B3GALNT2: variants seen among roughly 807,000 people sequenced by gnomAD.
B3GALNT2 encodes beta-1,3-N-acetylgalactosaminyltransferase 2.
B3GALNT2 carries 53 observed loss-of-function variants against 61.1 expected under a neutral mutation model. The ratio of observed to expected loss-of-function variants is 0.87; its 90% CI spans 0.70 to 1.09. The LOEUF (loss-of-function observed/expected upper bound fraction) is 1.09. Ranked by LOEUF, B3GALNT2 falls within the 50% of genes least tolerant of loss-of-function variation. The pLI, the probability that B3GALNT2 is intolerant of heterozygous loss-of-function variation, is 0.00. For synonymous variants in B3GALNT2, 223 were observed against 237.4 expected, an observed-to-expected ratio of 0.94 and a Z score of 0.56; for missense variants, 544 against 623.0, an observed-to-expected ratio of 0.87 and a Z score of 1.35.
chr1:235,491,115 G>A (rs960580217), intron 2 of B3GALNT2, among the ~76,000 whole-genome samples: 5 of 150,378 alleles, frequency 3.3e-5, no homozygotes, highest in African/African-American at 1.2e-4. Flanking sequence ...AGGAAGATAC[G>A]ATTCCAGTGT....
At chr1:235,439,848 C>G in the B3GALNT2 span, among the ~76,000 whole-genome samples, 1 of 152,128 alleles carries the variant, frequency 6.6e-6, no homozygotes, top group East Asian at 2.0e-4. Context: ...GTCACCCAGG[C>G]TGGAGTGCAG....
In B3GALNT2 at chr1:235,484,468, A is replaced by G. The variant is rs1684707115; in HGVS notation, c.409T>C (p.Ser137Pro). The change falls in exon 4 of 12, where the codon TCG (serine) becomes CCG (proline). Residue 137 changes from serine to proline, a missense_variant. Physicochemically the swap from Ser to Pro is moderately conservative, Grantham distance 74 (BLOSUM62 -1). Coordinates refer to ENST00000366600, the MANE Select transcript of B3GALNT2 (RefSeq NM_152490.5). ...EAFSLSEDTS[S>P]GLPEDRVVSV... ...ACAACTCGATCCTCAGGCAGCCCCG[A>G]TGAAGTGTCTTCGGACAGACTGAAC... The G allele has an allele frequency of 1.2e-6, 2 of 1,614,196 alleles. No individual in the cohort carries two copies. The highest frequency in any genetic ancestry group is 1.7e-6 in the Non-Finnish European group (2 of 1,180,020).
intron 6 of B3GALNT2, 24 bp from the exon 7 acceptor site, chr1:235,465,738 A>C: frequency 1.2e-6 from 2 of 1,604,908 alleles, no homozygotes; most frequent in Non-Finnish European, 1.7e-6. Context: ...GAATGTACTC[A>C]GTGATTCATT....
Position 235,480,764 on chromosome 1 carries a change from G to A in B3GALNT2, c.556-615C>T, listed in dbSNP as rs1169086781. Among the ~76,000 whole-genome samples the A allele has an allele frequency of 4.0e-5, 6 of 151,496 alleles. 1 individual carries two copies. Among genetic ancestry groups the A allele is most frequent in the Admixed American group, 4.0e-4 (6 of 15,184 alleles). ...CTACTAAAAATACAAAAATTAGCTGGGTGTGGTGGCAGGCACCTGTAGTCC... is the reference window on the plus strand; with the variant it reads ...CTACTAAAAATACAAAAATTAGCTGAGTGTGGTGGCAGGCACCTGTAGTCC... On this transcript the variant is annotated intron_variant, in intron 4 of 11. Transcript: ENST00000366600.
intron 3 of B3GALNT2, among the ~76,000 whole-genome samples, chr1:235,487,775 C>T (rs956603582): frequency 2.0e-5 from 3 of 152,120 alleles, no homozygotes; most frequent in African/African-American, 7.2e-5. Flanking sequence ...TAGTTAGGAT[C>T]AGCTTTCTTT....
At chr1:235,472,591 G>A (rs1188897291) in intron 5 of B3GALNT2, among the ~76,000 whole-genome samples, 1 of 152,180 alleles carries the variant, frequency 6.6e-6, no homozygotes, top group Non-Finnish European at 1.5e-5. Context: ...ACAGGAAGGA[G>A]CTTGCCTGAT....
At chr1:235,464,764 G>GA (rs1250248762) in intron 7 of B3GALNT2, 1 of 151,642 alleles carries the variant, frequency 6.6e-6, no homozygotes, top group African/African-American at 2.4e-5. Context: ...CAGAAAAAAA[G>GA]AAAAACAACG....
At chr1:235,472,550 C>G (rs749665009) in intron 5 of B3GALNT2, among the ~76,000 whole-genome samples, 21 of 152,160 alleles carry the variant, frequency 1.4e-4, no homozygotes, top group Non-Finnish European at 2.6e-4. Flanking sequence ...ATTAAACTAA[C>G]TGCCTCTACT....
rs1292857797 is a variant in B3GALNT2, at chr1:235,447,369, A to T, written c.*2837T>A. Among the ~76,000 whole-genome samples the T allele has an allele frequency of 1.3e-5, 2 of 152,206 alleles. No homozygotes were observed. The highest frequency in any genetic ancestry group is 2.4e-5 in the African/African-American group (1 of 41,452). The stretch of plus-strand genomic sequence containing the variant: ...TGTATCTCCAGCTAAAGCTTCAAGG[A>T]AACTCTATTTCTTATAATCAAAATA... On this transcript the variant is annotated 3_prime_UTR_variant, in exon 12 of 12. Coordinates refer to ENST00000366600, the MANE Select transcript of B3GALNT2 (RefSeq NM_152490.5).
At chr1:235,503,643 G>A (rs527593836) in intron 1 of B3GALNT2, among the ~76,000 whole-genome samples, 80 of 152,302 alleles carry the variant, frequency 5.3e-4, no homozygotes, top group Non-Finnish European at 7.4e-4. Context: ...TTACAGCAAA[G>A]TTATTCCTTA....
intron 4 of B3GALNT2, among the ~76,000 whole-genome samples, chr1:235,482,216 G>A (rs1040008341): frequency 6.6e-6 from 1 of 152,110 alleles, no homozygotes; most frequent in African/African-American, 2.4e-5. Context: ...GTACTTGGAA[G>A]AAGGAAAAGG....
downstream of B3GALNT2, chr1:235,443,095 A>G: frequency 1.6e-6 from 1 of 640,420 alleles, no homozygotes. Flanking sequence ...ATGCCCCCAA[A>G]AGTTCAGGTC....
chr1:235,472,774 A>G (rs1408292447), intron 5 of B3GALNT2, among the ~76,000 whole-genome samples: 1 of 152,210 alleles, frequency 6.6e-6, no homozygotes, highest in Non-Finnish European at 1.5e-5. Flanking sequence ...ATGAAGGGAT[A>G]AAGTACTTTA....
At chr1:235,481,803 T>C (rs891377630) in intron 4 of B3GALNT2, among the ~76,000 whole-genome samples, 7 of 152,164 alleles carry the variant, frequency 4.6e-5, no homozygotes, top group Admixed American at 4.6e-4. Flanking sequence ...TACAATCATA[T>C]ATGGACTCCT....
intron 3 of B3GALNT2, among the ~76,000 whole-genome samples, chr1:235,487,247 T>C (rs888875973): frequency 3.9e-5 from 6 of 151,930 alleles, no homozygotes; most frequent in African/African-American, 1.5e-4. Context: ...TTGCTTACAA[T>C]GTTAACTGAA....
chr1:235,474,972 TATATA>T (rs1464942403), intron 5 of B3GALNT2, among the ~76,000 whole-genome samples: 693 of 40,208 alleles, frequency 0.017, 100 homozygotes, highest in East Asian at 0.1. Flanking sequence ...TATATATATA[TATATA>T]TATATATATA....
At chr1:235,446,326 G>A (rs945505232), downstream of B3GALNT2, among the ~76,000 whole-genome samples, 27 of 152,024 alleles carry the variant, frequency 1.8e-4, no homozygotes, top group East Asian at 2.3e-3. Context: ...ACAGGTGCCC[G>A]CCACCATGCC....
intron 1 of B3GALNT2, among the ~76,000 whole-genome samples, chr1:235,497,337 C>T (rs1348803631): frequency 2.0e-5 from 3 of 152,170 alleles, no homozygotes; most frequent in Admixed American, 6.5e-5. Context: ...CAAGATTTTG[C>T]ATTACGTTAG....
the B3GALNT2 span, among the ~76,000 whole-genome samples, chr1:235,440,390 G>A: frequency 1.3e-5 from 2 of 151,688 alleles, no homozygotes; most frequent in African/African-American, 4.8e-5. Context: ...TGAGGCATCC[G>A]TATATATATA....
Sources: gnomAD v4.1 joint callset for allele counts (sites outside exome capture counted in the v4.1 genomes callset) on GRCh38, gnomAD v4.1.1 for gene constraint, MANE v1.5 for transcripts, NCBI Gene and HGNC (gene_info 2026-07-23, HGNC 2026-07-21) for gene names.